The following IFT140 variants were observed in gnomAD, a reference collection of about 807,000 sequenced individuals.
IFT140 encodes the protein intraflagellar transport protein 140 homolog.
IFT140 carries 133 observed loss-of-function variants against 164.6 expected under a neutral mutation model. That is an observed-to-expected ratio of 0.81 (90% CI 0.70 to 0.93). The LOEUF is 0.93. Ranked by LOEUF, IFT140 falls within the 40% of genes least tolerant of loss-of-function variation. The pLI is 0.00. For synonymous variants in IFT140, 860 were observed against 817.3 expected (o/e 1.05, Z -0.89); for missense variants, 2,045 against 1,972.3 (o/e 1.04, Z -0.70).
rs906191362 is a variant in IFT140 at position 1,523,377 on chromosome 16, A to T, written c.3453+141T>A. On this transcript the variant is annotated intron_variant, in intron 26 of 30. Transcript: ENST00000426508. ...ACCTCCTGGGTGTGCCGTATGTGAA[A>T]CCTAGGGCAGGGGGCACCCACCGCA... The T allele has an allele frequency of 1.5e-5, 12 of 816,768 alleles. No individual in the cohort carries two copies. In the Admixed American group the frequency reaches 2.9e-4, roughly 19 times the overall value. 50.6% of individuals were successfully genotyped at this position (816,768 alleles called of 1,614,324 possible). A position where few individuals can be genotyped will look rare whatever the true frequency, so the allele number is the denominator to read the frequency against.
intron 21 of IFT140, 79 bp from the exon 22 acceptor site, chr16:1,525,405 C>T (rs940949473): frequency 3.5e-5 from 37 of 1,061,968 alleles, no homozygotes; most frequent in Non-Finnish European, 4.3e-5. Flanking sequence ...GGGGCAGCGT[C>T]GGTGAAACGC....
At chr16:1,534,570 T>C (rs2030865817) in intron 19 of IFT140, 1 of 1,600,496 alleles carries the variant, frequency 6.2e-7, no homozygotes, top group East Asian at 2.2e-5. Context: ...GTCCAATTGT[T>C]TTCCTGATGC....
At position 1,585,157 on chromosome 16, in the gene IFT140, A is replaced by G. The variant is rs1596412479; in HGVS notation, c.1156-737T>C. Among the ~76,000 whole-genome samples, 11 of 152,384 alleles carry G rather than the reference A, an allele frequency of 7.2e-5. 1 individual carries two copies. In the South Asian group the frequency reaches 2.3e-3, roughly 32 times the overall value. On this transcript the variant is annotated intron_variant, in intron 10 of 30. Coordinates refer to ENST00000426508, the MANE Select transcript of IFT140 (RefSeq NM_014714.4). ...AAACGTGTACACAAGTGTTCGTAACAGCATTATTCAAATGTCCATCAACTG... is the reference window on the plus strand; with the variant it reads ...AAACGTGTACACAAGTGTTCGTAACGGCATTATTCAAATGTCCATCAACTG...
intron 19 of IFT140, among the ~76,000 whole-genome samples, chr16:1,556,103 C>T (rs1399838786): frequency 6.6e-6 from 1 of 152,154 alleles, no homozygotes; most frequent in Non-Finnish European, 1.5e-5. Context: ...AAGACTCCGT[C>T]TCAAAACAAA....
At chr16:1,590,210 A>AG (rs1391229427) in intron 6 of IFT140, among the ~76,000 whole-genome samples, 1 of 151,032 alleles carries the variant, frequency 6.6e-6, no homozygotes, top group East Asian at 1.9e-4. Context: ...CAAAAAAAAA[A>AG]AAAAAAAAAA....
rs117204029 is a variant in IFT140 at position 1,583,557 on chromosome 16, C to T, written c.1360-171G>A. On this transcript the variant is annotated intron_variant, in intron 11 of 30. Coordinates refer to ENST00000426508, the MANE Select transcript of IFT140 (RefSeq NM_014714.4). ...CTGTGGACAGGCTGAGGCTGTTTTC[C>T]GTGTTATATAAGATATCCATGGGTT... Among the ~76,000 whole-genome samples the T allele has an allele frequency of 3.6e-3, 550 of 151,676 alleles. 7 individuals carry two copies. Among genetic ancestry groups the T allele is most frequent in the East Asian group, 0.034 (178 of 5,170 alleles).
intron 12 of IFT140, among the ~76,000 whole-genome samples, chr16:1,581,924 ATG>A (rs1452435262): frequency 6.6e-6 from 1 of 152,000 alleles, no homozygotes; most frequent in Non-Finnish European, 1.5e-5. Flanking sequence ...AGAAAAAAAA[ATG>A]TGGGAAAGAT....
chr16:1,556,731 C>CTTTTTTATGACAAGGAATTTTTA (rs950916592), intron 19 of IFT140, among the ~76,000 whole-genome samples: 1 of 152,218 alleles, frequency 6.6e-6, no homozygotes, highest in Non-Finnish European at 1.5e-5. Flanking sequence ...CCCTGCTCAA[C>CTTTTTTATGACAAGGAATTTTTA]TTTTTTATGA....
intron 17 of IFT140, among the ~76,000 whole-genome samples, chr16:1,563,380 G>C (rs575299248): frequency 6.6e-6 from 1 of 150,782 alleles, no homozygotes; most frequent in South Asian, 2.1e-4. Context: ...CTCCGCCTGG[G>C]AGGCGGAGGT....
At chr16:1,605,767 G>A (rs531180912) in intron 3 of IFT140, among the ~76,000 whole-genome samples, 1 of 152,246 alleles carries the variant, frequency 6.6e-6, no homozygotes, top group Non-Finnish European at 1.5e-5. Context: ...CGAAGTCTGA[G>A]GAGCTTGGGG....
intron 13 of IFT140, among the ~76,000 whole-genome samples, chr16:1,575,146 C>T (rs1456259136): frequency 6.6e-6 from 1 of 150,880 alleles, no homozygotes; most frequent in Non-Finnish European, 1.5e-5. Flanking sequence ...AGGAGGGTCA[C>T]TTCAGCTTGG....
In IFT140 at chr16:1,571,525, T is replaced by A; in HGVS notation, c.1534A>T (p.Lys512Ter). ...GTCTCCGAGAAAAGGAGGAGTTGTTTGACAGTCCCCTGAGGAAAAGGAACA... is the reference window on the plus strand; with the variant it reads ...GTCTCCGAGAAAAGGAGGAGTTGTTAGACAGTCCCCTGAGGAAAAGGAACA... The part of the protein sequence containing the change: ...VQVRTWQGTV[K>*]QLLLFSETEG... The change falls in exon 14 of 31, where the codon AAA becomes TAA. Residue 512 changes from lysine (K) to a stop codon, truncating the protein, a stop_gained. Coordinates refer to ENST00000426508, the MANE Select transcript of IFT140 (RefSeq NM_014714.4). LOFTEE classifies it high-confidence loss of function. 1 of 1,611,776 alleles carries A rather than the reference T, an allele frequency of 6.2e-7. No individual in the cohort carries two copies. The highest frequency in any genetic ancestry group is 1.3e-5 in the African/African-American group (1 of 74,880).
rs576001790 is a variant in IFT140 at position 1,570,998 on chromosome 16, C to T, written c.1652+409G>A. ...TCTCAAACTCCTGGGCTCAAGCAGT[C>T]TTCTCGCCTTGGCCTCCCAAAGTGC... On this transcript the variant is annotated intron_variant, in intron 14 of 30. Coordinates refer to ENST00000426508, the MANE Select transcript of IFT140 (RefSeq NM_014714.4). 1.0e-3 allele frequency among the ~76,000 whole-genome samples: 159 copies of T among 152,224 alleles called. 2 individuals are homozygous for T. The highest frequency in any genetic ancestry group is 1.0e-3 in the Non-Finnish European group (69 of 68,040).
intron 4 of IFT140, among the ~76,000 whole-genome samples, chr16:1,596,203 CCCTCCCAGCCT>C (rs913832206): frequency 5.3e-5 from 8 of 150,466 alleles, no homozygotes; most frequent in African/African-American, 2.0e-4. Context: ...CCCCCCATCC[CCCTCCCAGCCT>C]CCTCCCTGGA....
At chr16:1,581,784 G>T (rs1346610689) in intron 12 of IFT140, among the ~76,000 whole-genome samples, 39 of 108,054 alleles carry the variant, frequency 3.6e-4, no homozygotes, top group African/African-American at 1.5e-3. Context: ...GGGAGCGGAG[G>T]GGAGGGGAGG....
intron 24 of IFT140, chr16:1,524,290 G>A (rs1452724181): frequency 9.8e-6 from 6 of 613,494 alleles, no homozygotes; most frequent in Non-Finnish European, 1.7e-5. Flanking sequence ...CATAGGCCGT[G>A]AGCAGCCTCA....
At chr16:1,583,247 C>G in intron 12 of IFT140, 67 bp downstream of exon 12, 1 of 1,380,530 alleles carries the variant, frequency 7.2e-7, no homozygotes, top group East Asian at 2.3e-5. Flanking sequence ...CAGTGGCCCT[C>G]TCATTAGGCA....
In IFT140 at chr16:1,510,577, G is replaced by C; in HGVS notation, c.*367C>G. 2.8e-6 allele frequency: 1 copy of C among 361,912 alleles called. No homozygotes were observed. The highest frequency in any genetic ancestry group is 5.1e-6 in the Non-Finnish European group (1 of 196,780). The allele number at this position is 361,912 out of a possible 1,614,324, so 22.4% of individuals were successfully genotyped here. A position where few individuals can be genotyped will look rare whatever the true frequency, so the allele number is the denominator to read the frequency against. ...CAGGAGTATGGGGAGGATATGATGT[G>C]TGGGGAGCAGGGGGGCAGGTGCCCC... On this transcript the variant is annotated 3_prime_UTR_variant, in exon 31 of 31. Coordinates refer to ENST00000426508, the MANE Select transcript of IFT140 (RefSeq NM_014714.4).
At chr16:1,550,140 A>G (rs538492949) in intron 19 of IFT140, among the ~76,000 whole-genome samples, 21 of 152,062 alleles carry the variant, frequency 1.4e-4, no homozygotes, top group Non-Finnish European at 2.4e-4. Flanking sequence ...GGGTTTCACT[A>G]TGTTGCCCAG....
Sources: gnomAD v4.1 joint callset for allele counts (sites outside exome capture counted in the v4.1 genomes callset) on GRCh38, gnomAD v4.1.1 for gene constraint, MANE v1.5 for transcripts, NCBI Gene and HGNC (gene_info 2026-07-23, HGNC 2026-07-21) for gene names.